The following ARL15 variants were observed in gnomAD, a reference collection of about 807,000 sequenced individuals.
ARL15 encodes the protein ARF like GTPase 15.
ARL15 carries 19 observed loss-of-function variants against 25.2 expected under a neutral mutation model. That is an observed-to-expected ratio of 0.75 (90% CI 0.53 to 1.10). The LOEUF is 1.10. Among genes scored for constraint, ARL15 ranks in the 50% least tolerant of loss-of-function variants. The pLI is 0.00. For missense variants in ARL15, 220 were observed against 246.0 expected (o/e 0.89, Z 0.71); for synonymous variants, 94 against 86.8 (o/e 1.08, Z -0.46).
chr5:54,134,550 C>A (rs1358562920), intron 3 of ARL15, among the ~76,000 whole-genome samples: 1 of 146,640 alleles, frequency 6.8e-6, no homozygotes, highest in Non-Finnish European at 1.5e-5. Context: ...CCTGTGAGCT[C>A]CCTGAAGGAA....
chr5:53,920,944 T>C (rs1262488185), intron 4 of ARL15, among the ~76,000 whole-genome samples: 1 of 152,008 alleles, frequency 6.6e-6, no homozygotes, highest in Non-Finnish European at 1.5e-5. Flanking sequence ...TTCTCTCCCT[T>C]TTCATAAGTG....
intron 4 of ARL15, among the ~76,000 whole-genome samples, chr5:53,962,567 C>A (rs697114): frequency 6.6e-6 from 1 of 151,908 alleles, no homozygotes; most frequent in African/African-American, 2.4e-5. Flanking sequence ...GCTTGTAAAA[C>A]CTCAAAACCA....
intron 4 of ARL15, among the ~76,000 whole-genome samples, chr5:53,981,467 C>T (rs1748116167): frequency 6.6e-6 from 1 of 152,186 alleles, no homozygotes; most frequent in African/African-American, 2.4e-5. Context: ...TCAGAGAACA[C>T]AGTCTGCAAG....
chr5:54,182,944 T>G (rs1755105287), intron 1 of ARL15, among the ~76,000 whole-genome samples: 1 of 147,422 alleles, frequency 6.8e-6, no homozygotes, highest in African/African-American at 2.5e-5. Flanking sequence ...GATTTGGCTC[T>G]CTGTTTGTCT....
At chr5:53,942,316 T>C (rs1304222981) in intron 4 of ARL15, among the ~76,000 whole-genome samples, 1 of 152,012 alleles carries the variant, frequency 6.6e-6, no homozygotes, top group Non-Finnish European at 1.5e-5. Flanking sequence ...TGACCTTAAA[T>C]GTAAGATGGC....
At chr5:54,048,174 C>G (rs1750584937) in intron 4 of ARL15, 1 of 151,978 alleles carries the variant, frequency 6.6e-6, no homozygotes, top group Admixed American at 6.6e-5. Flanking sequence ...GGTTACCATA[C>G]TGATGCCACT....
chr5:54,026,992 A>T (rs1355778026), intron 4 of ARL15, among the ~76,000 whole-genome samples: 1 of 152,180 alleles, frequency 6.6e-6, no homozygotes, highest in African/African-American at 2.4e-5. Flanking sequence ...TGGAAGGTAT[A>T]GAAAGGAAAA....
intron 1 of ARL15, among the ~76,000 whole-genome samples, chr5:54,174,287 C>T (rs1430085270): frequency 2.0e-5 from 3 of 152,162 alleles, no homozygotes; most frequent in Admixed American, 6.5e-5. Context: ...GAGCCCTCCA[C>T]GCTTCAAGAA....
chr5:53,889,504 A>C (rs1744646391), intron 4 of ARL15, among the ~76,000 whole-genome samples: 1 of 152,210 alleles, frequency 6.6e-6, no homozygotes, highest in African/African-American at 2.4e-5. Flanking sequence ...TCAGCAGATA[A>C]AGGGGCCTAG....
chr5:53,966,799 G>A (rs908688748), intron 4 of ARL15, among the ~76,000 whole-genome samples: 2 of 152,136 alleles, frequency 1.3e-5, no homozygotes, highest in African/African-American at 4.8e-5. Flanking sequence ...TATTTTAAAA[G>A]CCCTAAAACA....
chr5:54,043,304 ATATTTT>A (rs1750404169), intron 4 of ARL15, among the ~76,000 whole-genome samples: 1 of 152,020 alleles, frequency 6.6e-6, no homozygotes, highest in Non-Finnish European at 1.5e-5. Context: ...TGCCTTATTT[ATATTTT>A]TATCTCCACA....
chr5:54,108,478 C>A (rs1752650347), intron 4 of ARL15, among the ~76,000 whole-genome samples: 1 of 152,076 alleles, frequency 6.6e-6, no homozygotes, highest in African/African-American at 2.4e-5. Context: ...GTATATGACA[C>A]TTTCCAATGA....
chr5:53,985,780 T>C (rs1748278308), intron 4 of ARL15, among the ~76,000 whole-genome samples: 1 of 152,212 alleles, frequency 6.6e-6, no homozygotes, highest in Non-Finnish European at 1.5e-5. Context: ...AACATGGGTA[T>C]ACAACAGATC....
At chr5:54,058,878 A>C (rs956713393) in intron 4 of ARL15, among the ~76,000 whole-genome samples, 2 of 152,154 alleles carry the variant, frequency 1.3e-5, no homozygotes, top group Non-Finnish European at 2.9e-5. Context: ...GCAAGGCGGG[A>C]GGAGGGAGAA....
chr5:54,088,249 T>C (rs576454950), intron 4 of ARL15, among the ~76,000 whole-genome samples: 1 of 152,214 alleles, frequency 6.6e-6, no homozygotes, highest in East Asian at 1.9e-4. Flanking sequence ...AAGATATGTA[T>C]AAATTAAGAT....
rs144424990 is a variant in ARL15, at chr5:54,292,274, TG to T, written c.48+18157del. 9.9e-3 allele frequency among the ~76,000 whole-genome samples: 1,498 copies of T among 151,938 alleles called. 8 individuals are homozygous for T. The highest frequency in any genetic ancestry group is 0.02 in the Middle Eastern group (6 of 294). ...CTTGCTTCTCCAAAGATGTGCACAC[TG>T]GCCCTTCTTTATGAATGGGTTTTAG... is the stretch of plus-strand genomic sequence containing the variant. On this transcript the variant is annotated intron_variant, in intron 1 of 4. Coordinates refer to ENST00000504924, the MANE Select transcript of ARL15 (RefSeq NM_019087.3).
chr5:54,014,559 C>T (rs150992105), intron 4 of ARL15, among the ~76,000 whole-genome samples: 8 of 151,456 alleles, frequency 5.3e-5, no homozygotes, highest in African/African-American at 1.2e-4. Context: ...CTTGCTCTGT[C>T]GCCTAGGCTG....
chr5:54,079,036 T>A (rs1579774880), intron 4 of ARL15, among the ~76,000 whole-genome samples: 1 of 152,168 alleles, frequency 6.6e-6, no homozygotes, highest in South Asian at 2.1e-4. Flanking sequence ...CTGTTATTTT[T>A]AAAAAGTAAA....
At position 53,886,476 on chromosome 5, in the gene ARL15, A is replaced by T; in HGVS notation, c.*85T>A. ...GGAAAATAGATACTGAAGCCAATAT[A>T]GTCTTGATACCAAAATAAAATTAAA... is the stretch of plus-strand genomic sequence containing the variant. On this transcript the variant is annotated 3_prime_UTR_variant, in exon 5 of 5. Transcript: ENST00000504924. 1.4e-6 allele frequency: 2 copies of T among 1,424,442 alleles called. No individual in the cohort carries two copies. Among genetic ancestry groups the T allele is most frequent in the Admixed American group, 2.7e-5 (1 of 37,450 alleles). The allele number at this position is 1,424,442 out of a possible 1,614,324, so 88.2% of individuals were successfully genotyped here. A position where few individuals can be genotyped will look rare whatever the true frequency, so the allele number is the denominator to read the frequency against.
Sources: gnomAD v4.1 joint callset for allele counts (sites outside exome capture counted in the v4.1 genomes callset) on GRCh38, gnomAD v4.1.1 for gene constraint, MANE v1.5 for transcripts, NCBI Gene and HGNC (gene_info 2026-07-23, HGNC 2026-07-21) for gene names.